FUT9: variants seen among roughly 807,000 people sequenced by gnomAD.
FUT9 encodes 4-galactosyl-N-acetylglucosaminide 3-alpha-L-fucosyltransferase 9.
FUT9 carries 15 observed loss-of-function variants against 29.7 expected under a neutral mutation model. The observed-to-expected ratio is 0.51, with a 90% CI of 0.34 to 0.78. The LOEUF (loss-of-function observed/expected upper bound fraction) is 0.78, where lower values mean the gene tolerates loss of function less well. FUT9 is among the 30% of genes least tolerant of loss of function. The pLI is 0.01. For synonymous variants in FUT9, 169 were observed against 153.7 expected, an observed-to-expected ratio of 1.10 and a Z score of -0.74; for missense variants, 319 against 425.4, an observed-to-expected ratio of 0.75 and a Z score of 2.20.
At chr6:96,043,155 C>G (rs532119874) in intron 1 of FUT9, among the ~76,000 whole-genome samples, 11 of 152,198 alleles carry the variant, frequency 7.2e-5, no homozygotes, top group African/African-American at 2.4e-4. Context: ...GGGTTCATGC[C>G]ATTCTCCTGC....
intron 2 of FUT9, among the ~76,000 whole-genome samples, chr6:96,159,204 A>G (rs1582274817): frequency 6.6e-6 from 1 of 151,920 alleles, no homozygotes; most frequent in South Asian, 2.1e-4. Flanking sequence ...CATATCTTTA[A>G]GCAAAAATGA....
At chr6:96,180,984 C>T (rs1389096607) in intron 2 of FUT9, among the ~76,000 whole-genome samples, 2 of 150,982 alleles carry the variant, frequency 1.3e-5, no homozygotes, top group Non-Finnish European at 3.0e-5. Flanking sequence ...TACTGGTTCT[C>T]ATTACTGTTT....
At chr6:96,089,633 G>A (rs1017378284) in intron 1 of FUT9, among the ~76,000 whole-genome samples, 3 of 152,152 alleles carry the variant, frequency 2.0e-5, no homozygotes, top group African/African-American at 7.2e-5. Context: ...TCTCACCCCA[G>A]AGTAAGATGG....
intron 2 of FUT9, among the ~76,000 whole-genome samples, chr6:96,198,626 T>C (rs1201867319): frequency 6.6e-6 from 1 of 152,210 alleles, no homozygotes; most frequent in East Asian, 1.9e-4. Context: ...CCTTTGGGTA[T>C]ATACCCAGTA....
chr6:96,181,456 A>G (rs1443132930), intron 2 of FUT9, among the ~76,000 whole-genome samples: 2 of 150,258 alleles, frequency 1.3e-5, no homozygotes, highest in Non-Finnish European at 3.0e-5. Context: ...TTTTTTTTTC[A>G]TAGGTTATTG....
intron 1 of FUT9, among the ~76,000 whole-genome samples, chr6:96,106,373 G>A (rs540381312): frequency 1.4e-4 from 21 of 152,140 alleles, no homozygotes; most frequent in African/African-American, 4.8e-4. Context: ...TTAAAAATAT[G>A]TGCTTTTAAA....
chr6:96,129,926 C>T (rs1772210108), intron 2 of FUT9, among the ~76,000 whole-genome samples: 1 of 151,896 alleles, frequency 6.6e-6, no homozygotes, highest in Admixed American at 6.6e-5. Flanking sequence ...AACATTTTTC[C>T]TGTTATGCCT....
intron 1 of FUT9, among the ~76,000 whole-genome samples, chr6:96,084,859 A>T (rs191716754): frequency 6.6e-6 from 1 of 152,264 alleles, no homozygotes; most frequent in African/African-American, 2.4e-5. Context: ...CCCTGTTTAT[A>T]TATATAACCC....
chr6:96,061,682 C>T (rs1010376386), intron 1 of FUT9, among the ~76,000 whole-genome samples: 8 of 152,262 alleles, frequency 5.3e-5, no homozygotes, highest in African/African-American at 1.9e-4. Context: ...CATGTAGCTG[C>T]CCATCTAAGC....
At chr6:96,195,292 A>G (rs1048278554) in intron 2 of FUT9, among the ~76,000 whole-genome samples, 1 of 152,110 alleles carries the variant, frequency 6.6e-6, no homozygotes, top group Non-Finnish European at 1.5e-5. Context: ...GTTCTGAGGA[A>G]TATTTAGGAA....
At position 96,041,274 on chromosome 6, in the gene FUT9, A is replaced by G. The variant is rs1447314439; in HGVS notation, c.-98+25062A>G. The stretch of plus-strand genomic sequence containing the variant: ...TATTTTATATATTGAATTCTTATTT[A>G]AGTGTTCTGAAGCTAAGAAATTCAG... On this transcript the variant is annotated intron_variant, in intron 1 of 2. Coordinates refer to ENST00000302103, the MANE Select transcript of FUT9 (RefSeq NM_006581.4). Among the ~76,000 whole-genome samples, 5 of 152,036 alleles carry G rather than the reference A, an allele frequency of 3.3e-5. No individual in the cohort carries two copies. The East Asian group carries it at 7.7e-4, about 24-fold the overall frequency.
intron 1 of FUT9, among the ~76,000 whole-genome samples, chr6:96,087,837 A>G (rs1020347357): frequency 9.2e-5 from 14 of 152,010 alleles, no homozygotes; most frequent in Non-Finnish European, 1.8e-4. Flanking sequence ...AGTGCTTATC[A>G]CTCTTTGGCA....
rs1196284315 is a variant in FUT9, at chr6:96,207,990, C to T, written c.*3755C>T. 6.0e-6 allele frequency: 1 copy of T among 166,610 alleles called. No homozygotes were observed. Among genetic ancestry groups the T allele is most frequent in the East Asian group, 1.9e-4 (1 of 5,182 alleles). The allele number at this position is 166,610 out of a possible 1,614,324, so 10.3% of individuals were successfully genotyped here. Reference sequence around the variant, plus strand: ...AGTAGAAACTGAAAAAAAAAATCATCTTAGTGGGAAACAAATACATGCTTA... The same window carrying T: ...AGTAGAAACTGAAAAAAAAAATCATTTTAGTGGGAAACAAATACATGCTTA... On this transcript the variant is annotated 3_prime_UTR_variant, in exon 3 of 3. Transcript: ENST00000302103.
rs1021836272 is a variant in FUT9, at chr6:96,214,345, G to A, written c.*10110G>A. The A allele has an allele frequency of 6.0e-6, 1 of 166,886 alleles. No homozygotes were observed. The highest frequency in any genetic ancestry group is 1.5e-5 in the Non-Finnish European group (1 of 68,054). The allele number at this position is 166,886 out of a possible 1,614,324, so 10.3% of individuals were successfully genotyped here. A position where few individuals can be genotyped will look rare whatever the true frequency, so the allele number is the denominator to read the frequency against. On this transcript the variant is annotated 3_prime_UTR_variant, in exon 3 of 3. Transcript: ENST00000302103. ...AAATCAGTACTACTGCCAGTCACCT[G>A]AGGTCAGGTCTGCACAACACTAAAT...
intron 2 of FUT9, among the ~76,000 whole-genome samples, chr6:96,188,779 T>A (rs1036387890): frequency 3.3e-5 from 5 of 151,438 alleles, no homozygotes; most frequent in Non-Finnish European, 7.4e-5. Flanking sequence ...AATGGTAAAA[T>A]TTATATAAAA....
intron 2 of FUT9, among the ~76,000 whole-genome samples, chr6:96,202,826 G>T (rs1254489845): frequency 6.6e-6 from 1 of 152,104 alleles, no homozygotes; most frequent in African/African-American, 2.4e-5. Context: ...TGGCTTTAGC[G>T]ATGACAGTCT....
intron 1 of FUT9, among the ~76,000 whole-genome samples, chr6:96,094,603 T>G (rs1374087374): frequency 2.0e-5 from 3 of 152,094 alleles, no homozygotes; most frequent in Admixed American, 2.0e-4. Flanking sequence ...AGGAATCCAT[T>G]GGGGTCTTGG....
intron 1 of FUT9, among the ~76,000 whole-genome samples, chr6:96,112,759 T>C (rs1326873305): frequency 1.3e-5 from 2 of 152,224 alleles, no homozygotes; most frequent in African/African-American, 4.8e-5. Flanking sequence ...GGGTCTGTCC[T>C]ATAGCAAAAA....
chr6:96,049,679 T>A (rs777965322), intron 1 of FUT9, among the ~76,000 whole-genome samples: 1 of 152,238 alleles, frequency 6.6e-6, no homozygotes, highest in Non-Finnish European at 1.5e-5. Context: ...GAAATACAAA[T>A]TGGACAATAG....
Sources: allele counts gnomAD v4.1 joint callset (sites outside exome capture counted in the v4.1 genomes callset), GRCh38; gene constraint gnomAD v4.1.1; transcripts MANE v1.5; gene names NCBI Gene and HGNC (gene_info 2026-07-23, HGNC 2026-07-21).